The following CPNE8 variants were observed in gnomAD, a reference collection of about 807,000 sequenced individuals.
CPNE8 encodes copine 8, also known as copine-8.
CPNE8 carries 45 observed loss-of-function variants against 81.5 expected under a neutral mutation model. The ratio of observed to expected loss-of-function variants is 0.55; its 90% CI spans 0.44 to 0.71. The LOEUF (loss-of-function observed/expected upper bound fraction) is 0.71, where lower values mean the gene tolerates loss of function less well. Among genes scored for constraint, CPNE8 ranks in the 30% least tolerant of loss-of-function variants. The pLI is 0.00. For synonymous variants in CPNE8, 252 were observed against 226.3 expected (o/e 1.11, Z -1.02); for missense variants, 594 against 672.1 (o/e 0.88, Z 1.28).
At chr12:38,711,387 A>G (rs528282994) in intron 13 of CPNE8, among the ~76,000 whole-genome samples, 2 of 152,188 alleles carry the variant, frequency 1.3e-5, no homozygotes, top group East Asian at 3.9e-4. Flanking sequence ...GAAAAAATTT[A>G]TCTGCAGCAT....
intron 1 of CPNE8, among the ~76,000 whole-genome samples, chr12:38,897,632 C>T (rs939509527): frequency 6.7e-6 from 1 of 149,926 alleles, no homozygotes; most frequent in Admixed American, 6.7e-5. Flanking sequence ...TTAATACACA[C>T]TATTAATATA....
At chr12:38,740,158 CA>C (rs1941059561) in intron 10 of CPNE8, among the ~76,000 whole-genome samples, 1 of 152,158 alleles carries the variant, frequency 6.6e-6, no homozygotes, top group South Asian at 2.1e-4. Flanking sequence ...CTCTTAGAAG[CA>C]ATTGTGAATG....
intron 6 of CPNE8, among the ~76,000 whole-genome samples, chr12:38,826,290 T>G (rs1943189917): frequency 6.6e-6 from 1 of 152,198 alleles, no homozygotes; most frequent in African/African-American, 2.4e-5. Context: ...AAATTAATTA[T>G]TCCTTTTTCA....
intron 6 of CPNE8, among the ~76,000 whole-genome samples, chr12:38,815,727 T>C (rs902952525): frequency 6.6e-6 from 1 of 152,204 alleles, no homozygotes; most frequent in Admixed American, 6.5e-5. Flanking sequence ...ATTTTTAACA[T>C]AGTAATTAGA....
intron 6 of CPNE8, among the ~76,000 whole-genome samples, chr12:38,802,650 A>G (rs1372446759): frequency 6.6e-6 from 1 of 151,772 alleles, no homozygotes; most frequent in Non-Finnish European, 1.5e-5. Context: ...GCAAGAAATA[A>G]CTAAAATCAG....
intron 6 of CPNE8, among the ~76,000 whole-genome samples, chr12:38,778,591 T>C (rs533095689): frequency 6.6e-6 from 1 of 152,298 alleles, no homozygotes; most frequent in Non-Finnish European, 1.5e-5. Context: ...ACAAGTTCCA[T>C]TTGTTCCAAG....
intron 6 of CPNE8, among the ~76,000 whole-genome samples, chr12:38,781,023 G>A (rs947358792): frequency 2.6e-5 from 4 of 151,898 alleles, no homozygotes; most frequent in Admixed American, 6.6e-5. Context: ...TAATCAGCAA[G>A]GTGATAATTT....
At chr12:38,681,731 C>T (rs140610392) in intron 16 of CPNE8, among the ~76,000 whole-genome samples, 23 of 152,168 alleles carry the variant, frequency 1.5e-4, no homozygotes, top group Non-Finnish European at 2.9e-4. Context: ...ACCAACCTGT[C>T]CTACAAATTA....
intron 19 of CPNE8, 113 bp from the exon 20 acceptor site, chr12:38,654,183 G>A: frequency 1.5e-6 from 2 of 1,300,066 alleles, no homozygotes; most frequent in Non-Finnish European, 2.0e-6. Flanking sequence ...GAATCTGAGA[G>A]TAATGGAGAG....
At position 38,776,507 on chromosome 12, in the gene CPNE8, GC is replaced by G. The variant is rs555708125; in HGVS notation, c.408-207del. Reference sequence around the variant, plus strand: ...GTTTTTTTAGCAGAGATGGGGTTTCGCCATGTTGGCCAAGCTGGTCTCAAAC... The same window carrying G: ...GTTTTTTTAGCAGAGATGGGGTTTCGCATGTTGGCCAAGCTGGTCTCAAAC... On this transcript the variant is annotated intron_variant, in intron 6 of 19. Transcript: ENST00000331366. Among the ~76,000 whole-genome samples the G allele has an allele frequency of 1.1e-3, 160 of 151,418 alleles. 1 individual carries two copies. Among genetic ancestry groups the G allele is most frequent in the African/African-American group, 3.6e-3 (148 of 41,330 alleles).
chr12:38,775,735 G>T lies in CPNE8; in HGVS notation c.471+503C>A, dbSNP rs1448068051. ...ACTCTCTGTAGTCATACTGCTAGCT[G>T]TAGTGGCAGCTAATCCTTTCTTCAA... On this transcript the variant is annotated intron_variant, in intron 7 of 19. Transcript: ENST00000331366. Among the ~76,000 whole-genome samples the T allele has an allele frequency of 3.9e-5, 6 of 152,164 alleles. No individual in the cohort carries two copies. The East Asian group carries it at 7.7e-4, about 20-fold the overall frequency.
chr12:38,761,466 A>G (rs765258209), intron 9 of CPNE8, among the ~76,000 whole-genome samples: 2 of 152,240 alleles, frequency 1.3e-5, no homozygotes, highest in South Asian at 4.1e-4. Context: ...TTAAATGAAA[A>G]GAATGATAGT....
intron 1 of CPNE8, among the ~76,000 whole-genome samples, chr12:38,900,174 G>C (rs1200586599): frequency 6.7e-6 from 1 of 149,688 alleles, no homozygotes; most frequent in African/African-American, 2.4e-5. Flanking sequence ...TAACACCCTA[G>C]TAGGGTGGGT....
intron 13 of CPNE8, among the ~76,000 whole-genome samples, chr12:38,713,624 G>GA (rs1298147007): frequency 2.6e-5 from 4 of 151,808 alleles, no homozygotes; most frequent in Admixed American, 6.6e-5. Context: ...AAATTTGGGA[G>GA]AAAAAAAGGG....
intron 10 of CPNE8, among the ~76,000 whole-genome samples, chr12:38,734,703 G>T (rs1940913452): frequency 6.6e-6 from 1 of 151,912 alleles, no homozygotes; most frequent in African/African-American, 2.4e-5. Context: ...ATCAACCAGA[G>T]AATTCATTTA....
chr12:38,766,093 C>T (rs1393564380), intron 8 of CPNE8, among the ~76,000 whole-genome samples: 5 of 152,178 alleles, frequency 3.3e-5, no homozygotes, highest in African/African-American at 4.8e-5. Context: ...CTCTTGACCT[C>T]GTGATCCGCC....
At chr12:38,735,785 TTTAA>T (rs1940940105) in intron 10 of CPNE8, among the ~76,000 whole-genome samples, 1 of 152,020 alleles carries the variant, frequency 6.6e-6, no homozygotes, top group Non-Finnish European at 1.5e-5. Context: ...TAGCATGATT[TTTAA>T]TTAATTGCCC....
At chr12:38,764,976 C>T (rs142573546) in intron 8 of CPNE8, among the ~76,000 whole-genome samples, 71 of 152,266 alleles carry the variant, frequency 4.7e-4, no homozygotes, top group African/African-American at 1.3e-3. Context: ...GGCCTCTTTG[C>T]TTATGGTTAA....
chr12:38,795,867 G>GGATAGATAGATGATAGATA (rs1555160624), intron 6 of CPNE8, among the ~76,000 whole-genome samples: 3 of 148,134 alleles, frequency 2.0e-5, no homozygotes, highest in Non-Finnish European at 4.4e-5. Context: ...ATGGATGGAT[G>GGATAGATAGATGATAGATA]GATAGATAGA....
Sources: allele counts gnomAD v4.1 joint callset (sites outside exome capture counted in the v4.1 genomes callset), GRCh38; gene constraint gnomAD v4.1.1; transcripts MANE v1.5; gene names NCBI Gene and HGNC (gene_info 2026-07-23, HGNC 2026-07-21).